The following BORCS7 variants were observed in gnomAD, a reference collection of about 807,000 sequenced individuals.
BORCS7 encodes the protein BLOC-1 related complex subunit 7.
Under a neutral mutation model 17.5 loss-of-function variants are expected in BORCS7, and 20 were observed. The ratio of observed to expected loss-of-function variants is 1.14; its 90% CI spans 0.80 to 1.66. The LOEUF is 1.66. Ranked by LOEUF, BORCS7 falls within the 40% of genes most tolerant of loss-of-function variation. The probability of loss-of-function intolerance (pLI) is 0.00; values close to 1 mark genes in which losing one functional copy is unlikely to be tolerated. For synonymous variants in BORCS7, 57 were observed against 49.8 expected, an observed-to-expected ratio of 1.14 and a Z score of -0.61; for missense variants, 122 against 129.7, an observed-to-expected ratio of 0.94 and a Z score of 0.29.
chr10:102,855,198 C>T (rs1191781868), intron 1 of BORCS7, among the ~76,000 whole-genome samples: 1 of 135,466 alleles, frequency 7.4e-6, no homozygotes, highest in Non-Finnish European at 1.5e-5. Flanking sequence ...CTAGCTCTGT[C>T]GCCAGGCTGG....
chr10:102,854,954 ATATATAT>A (rs1427270191), intron 1 of BORCS7, among the ~76,000 whole-genome samples: 2 of 146,946 alleles, frequency 1.4e-5, no homozygotes, highest in South Asian at 4.2e-4. Context: ...TATAATATAC[ATATATAT>A]TATATATAAT....
intron 4 of BORCS7, among the ~76,000 whole-genome samples, chr10:102,862,667 A>G (rs1337022552): frequency 6.6e-6 from 1 of 152,200 alleles, no homozygotes; most frequent in Non-Finnish European, 1.5e-5. Context: ...TGTACAGGAC[A>G]GGTGTAGTGG....
intron 1 of BORCS7, among the ~76,000 whole-genome samples, chr10:102,857,239 A>G (rs926887142): frequency 7.2e-5 from 11 of 152,310 alleles, no homozygotes; most frequent in African/African-American, 1.4e-4. Context: ...GTAAGTGCCT[A>G]TGTTCCCTTT....
intron 1 of BORCS7, among the ~76,000 whole-genome samples, chr10:102,859,390 C>T (rs1347992643): frequency 1.3e-5 from 2 of 151,356 alleles, no homozygotes; most frequent in African/African-American, 2.4e-5. Flanking sequence ...TTGCCTGCCT[C>T]GGCCTCCGAA....
Position 102,854,267 on chromosome 10 carries a change from G to T in BORCS7, c.-20G>T. Reference sequence around the variant, plus strand: ...CCCGGCGACTCACCATCGTCAGTGCGCAACCGTTCGCTAACTGAAATGATG... The same window carrying T: ...CCCGGCGACTCACCATCGTCAGTGCTCAACCGTTCGCTAACTGAAATGATG... On this transcript the variant is annotated 5_prime_UTR_variant, in exon 1 of 5. Transcript: ENST00000339834. The T allele has an allele frequency of 6.2e-7, 1 of 1,602,962 alleles. No homozygotes were observed. Among genetic ancestry groups the T allele is most frequent in the Non-Finnish European group, 8.5e-7 (1 of 1,174,866 alleles).
At chr10:102,855,044 T>A (rs2134094699) in intron 1 of BORCS7, among the ~76,000 whole-genome samples, 1 of 149,410 alleles carries the variant, frequency 6.7e-6, no homozygotes, top group East Asian at 1.9e-4. Context: ...ATTCAACATA[T>A]TCATCATAAT....
At chr10:102,861,583 G>A (rs1187467591) in intron 3 of BORCS7, among the ~76,000 whole-genome samples, 1 of 152,066 alleles carries the variant, frequency 6.6e-6, no homozygotes. Flanking sequence ...CGGGTGTGGT[G>A]GCACACACCT....
chr10:102,859,465 C>T (rs1844481518), intron 1 of BORCS7, among the ~76,000 whole-genome samples: 1 of 150,068 alleles, frequency 6.7e-6, no homozygotes, highest in Non-Finnish European at 1.5e-5. Flanking sequence ...TTTTCCCAGC[C>T]CTGTCTGGTC....
intron 1 of BORCS7, among the ~76,000 whole-genome samples, chr10:102,856,845 C>G (rs1463282737): frequency 2.0e-5 from 3 of 152,200 alleles, no homozygotes; most frequent in African/African-American, 7.2e-5. Context: ...TTCAAGGCAA[C>G]CACAACTCCC....
At chr10:102,854,490 G>A in intron 1 of BORCS7, 63 bp downstream of exon 1, 4 of 1,491,978 alleles carry the variant, frequency 2.7e-6, no homozygotes, top group Non-Finnish European at 3.6e-6. Flanking sequence ...TCGTTGCTGT[G>A]GGAAGGAGGT....
intron 1 of BORCS7, among the ~76,000 whole-genome samples, chr10:102,857,805 T>A (rs1323895552): frequency 3.9e-5 from 6 of 152,130 alleles, no homozygotes; most frequent in Admixed American, 3.3e-4. Context: ...GAGATAGCAA[T>A]TGAATAGGAG....
chr10:102,855,652 A>G (rs1424295351), intron 1 of BORCS7, among the ~76,000 whole-genome samples: 1 of 152,242 alleles, frequency 6.6e-6, no homozygotes, highest in Non-Finnish European at 1.5e-5. Context: ...TAGTGAAGAG[A>G]CAGACGATAA....
intron 3 of BORCS7, 69 bp downstream of exon 3, chr10:102,860,610 G>T: frequency 6.5e-7 from 1 of 1,544,854 alleles, no homozygotes. Context: ...CATGGACTTT[G>T]TGCTTCAGCA....
chr10:102,857,631 A>G (rs367583819), intron 1 of BORCS7, among the ~76,000 whole-genome samples: 2 of 152,210 alleles, frequency 1.3e-5, no homozygotes, highest in East Asian at 1.9e-4. Flanking sequence ...AGTAAAAGCT[A>G]TGAGATAAGA....
rs765943098 is a variant in BORCS7 at position 102,854,351 on chromosome 10, C to T, written c.65C>T (p.Thr22Met). The part of the protein sequence containing the change: ...RFGQSVKGLL[T>M]EKVTTCGTDV... ...GGTCAGTCCGTGAAGGGGCTTCTCA[C>T]GGAGAAGGTGACCACCTGTGGTACT... Residue 22 changes from threonine to methionine, a missense_variant, in exon 1 of 5, where the codon ACG becomes ATG. Coordinates refer to ENST00000339834, the MANE Select transcript of BORCS7 (RefSeq NM_001136200.2). 6 of 1,589,916 alleles carry T rather than the reference C, an allele frequency of 3.8e-6. No homozygotes were observed. Among genetic ancestry groups the T allele is most frequent in the East Asian group, 2.3e-5 (1 of 44,286 alleles).
intron 1 of BORCS7, among the ~76,000 whole-genome samples, chr10:102,856,406 AG>A (rs1417539668): frequency 6.6e-6 from 1 of 152,178 alleles, no homozygotes; most frequent in Non-Finnish European, 1.5e-5. Flanking sequence ...AAAAAAAAAA[AG>A]AATGAAAACA....
chr10:102,860,471 C>G (rs1447262616), intron 2 of BORCS7, 27 bp from the exon 3 acceptor site: 13 of 1,610,722 alleles, frequency 8.1e-6, no homozygotes, highest in African/African-American at 2.7e-5. Context: ...TGGAAATGTT[C>G]TATTTCTCTC....
At chr10:102,861,280 G>T (rs1844516504) in intron 3 of BORCS7, among the ~76,000 whole-genome samples, 1 of 151,856 alleles carries the variant, frequency 6.6e-6, no homozygotes, top group African/African-American at 2.4e-5. Context: ...GCCGGGTGTG[G>T]TGGTGGGTGC....
chr10:102,859,339 C>T (rs973882613), intron 1 of BORCS7, among the ~76,000 whole-genome samples: 2 of 151,810 alleles, frequency 1.3e-5, no homozygotes, highest in Non-Finnish European at 2.9e-5. Context: ...GGGGTTTTGC[C>T]ATGTTGGCCA....
Sources: allele counts gnomAD v4.1 joint callset (sites outside exome capture counted in the v4.1 genomes callset), GRCh38; gene constraint gnomAD v4.1.1; transcripts MANE v1.5; gene names NCBI Gene and HGNC (gene_info 2026-07-23, HGNC 2026-07-21).